The following GHITM variants were observed in gnomAD, a reference collection of about 807,000 sequenced individuals.
The protein encoded by GHITM is growth hormone-inducible transmembrane protein.
GHITM carries 24 observed loss-of-function variants against 38.7 expected under a neutral mutation model. The observed-to-expected ratio is 0.62, with a 90% CI of 0.45 to 0.87. The LOEUF (loss-of-function observed/expected upper bound fraction) is 0.87, where lower values mean the gene tolerates loss of function less well. GHITM is among the 40% of genes least tolerant of loss of function. GHITM has a pLI of 0.00. For missense variants in GHITM, 420 were observed against 429.8 expected (o/e 0.98, Z 0.20); for synonymous variants, 154 against 147.8 (o/e 1.04, Z -0.30).
Position 84,141,517 on chromosome 10 carries a change from T to C in GHITM, c.17T>C (p.Leu6Pro), listed in dbSNP as rs765271750. The change falls in exon 2 of 9, where the codon CTG (leucine) becomes CCG (proline). Residue 6 changes from leucine (L) to proline (P), a missense_variant. By Grantham distance (98) the Leu-to-Pro change is moderately conservative. Coordinates refer to ENST00000372134, the MANE Select transcript of GHITM (RefSeq NM_014394.3). The part of the protein sequence containing the change: MLAAR[L>P]VCLRTLPSRV... ...ACCACCACCATGTTGGCTGCAAGGC[T>C]GGTGTGTCTCCGGACACTACCTTCT... is the stretch of plus-strand genomic sequence containing the variant. 6.2e-7 allele frequency: 1 copy of C among 1,614,010 alleles called. No homozygotes were observed. Among genetic ancestry groups the C allele is most frequent in the South Asian group, 1.1e-5 (1 of 91,088 alleles).
At position 84,145,034 on chromosome 10, in the gene GHITM, G is replaced by T; in HGVS notation, c.483+18G>T. On this transcript the variant is annotated intron_variant, in intron 5 of 8. Coordinates refer to ENST00000372134, the MANE Select transcript of GHITM (RefSeq NM_014394.3). ...CTTGGGTGGTAAGTCAGCTGTTTTT[G>T]TTTTCCTTTTTCATCTAAAGATCAA... The T allele has an allele frequency of 1.9e-6, 3 of 1,571,158 alleles. No individual in the cohort carries two copies. The highest frequency in any genetic ancestry group is 1.2e-5 in the South Asian group (1 of 85,404).
intron 3 of GHITM, 71 bp downstream of exon 3, chr10:84,142,825 TA>T (rs1187610825): frequency 2.7e-6 from 2 of 731,032 alleles, no homozygotes; most frequent in South Asian, 3.5e-5. Flanking sequence ...AACAACTTCC[TA>T]AAAATATATG....
intron 2 of GHITM, among the ~76,000 whole-genome samples, chr10:84,142,378 T>A (rs971358898): frequency 1.3e-5 from 2 of 152,218 alleles, no homozygotes; most frequent in Non-Finnish European, 2.9e-5. Flanking sequence ...AATCTATAGT[T>A]TGTGAAAGAA....
In GHITM at chr10:84,148,843, GTTC is replaced by G. The variant is rs1841582994; in HGVS notation, c.592+7_592+9del. 12 of 1,562,884 alleles carry G rather than the reference GTTC, an allele frequency of 7.7e-6. No individual in the cohort carries two copies. The East Asian group carries it at 2.5e-4, about 32-fold the overall frequency. On this transcript the variant is annotated splice_donor_region_variant and intron_variant, in intron 6 of 8. Coordinates refer to ENST00000372134, the MANE Select transcript of GHITM (RefSeq NM_014394.3). ...TTGCTTGGTTGCTACATTCTGGTAT[GTTC>G]TGTTTTAAATTGTTACGAGACAACC...
intron 3 of GHITM, among the ~76,000 whole-genome samples, chr10:84,143,653 A>G (rs568998417): frequency 2.4e-4 from 36 of 152,202 alleles, no homozygotes; most frequent in Admixed American, 1.8e-3. Context: ...TTTACTTTCC[A>G]TGAATGTCAT....
rs949471750 is a variant in GHITM at position 84,152,459 on chromosome 10, A to G, written c.*111A>G. The G allele has an allele frequency of 3.1e-5, 17 of 544,394 alleles. No individual in the cohort carries two copies. Among genetic ancestry groups the G allele is most frequent in the Non-Finnish European group, 5.2e-5 (16 of 307,120 alleles). The allele number at this position is 544,394 out of a possible 1,614,324, so 33.7% of individuals were successfully genotyped here. Reference sequence around the variant, plus strand: ...TTCGTTGAAGTTTAGAAGATAAGAAACATGTCATCATATTTAAATGTTCCG... The same window carrying G: ...TTCGTTGAAGTTTAGAAGATAAGAAGCATGTCATCATATTTAAATGTTCCG... On this transcript the variant is annotated 3_prime_UTR_variant, in exon 9 of 9. Coordinates refer to ENST00000372134, the MANE Select transcript of GHITM (RefSeq NM_014394.3).
In GHITM at chr10:84,152,628, G is replaced by A. The variant is rs374071585; in HGVS notation, c.*280G>A. On this transcript the variant is annotated 3_prime_UTR_variant, in exon 9 of 9. Coordinates refer to ENST00000372134, the MANE Select transcript of GHITM (RefSeq NM_014394.3). ...ATGTGAAAACTAAAGTTTGTGTCATGAGAATGTAAGTCTTTTTTCTACTTT... is the reference window on the plus strand; with the variant it reads ...ATGTGAAAACTAAAGTTTGTGTCATAAGAATGTAAGTCTTTTTTCTACTTT... The A allele has an allele frequency of 1.3e-5, 4 of 298,108 alleles. No homozygotes were observed. Among genetic ancestry groups the A allele is most frequent in the Admixed American group, 5.0e-5 (1 of 19,890 alleles). The allele number at this position is 298,108 out of a possible 1,614,324, so 18.5% of individuals were successfully genotyped here.
chr10:84,150,831 G>A lies in GHITM; in HGVS notation c.904G>A (p.Ala302Thr). Residue 302 changes from alanine to threonine, a missense_variant, in exon 8 of 9, where the codon GCA becomes ACA. Physicochemically the swap from Ala to Thr is moderately conservative, Grantham distance 58 (BLOSUM62 0). Coordinates refer to ENST00000372134, the MANE Select transcript of GHITM (RefSeq NM_014394.3). ...LYDTQKVIKR[A>T]EVSPMYGVQK... ...TGATACCCAGAAAGTAATCAAGCGT[G>A]CAGAAGTATCACCAATGTATGGAGT... 2 of 1,611,816 alleles carry A rather than the reference G, an allele frequency of 1.2e-6. No homozygotes were observed. Among genetic ancestry groups the A allele is most frequent in the Non-Finnish European group, 1.7e-6 (2 of 1,178,228 alleles).
chr10:84,142,140 A>G (rs1841512940), intron 2 of GHITM, among the ~76,000 whole-genome samples: 1 of 152,200 alleles, frequency 6.6e-6, no homozygotes, highest in South Asian at 2.1e-4. Context: ...GCTAGGAGAC[A>G]TTTTCTCTTT....
chr10:84,153,082 A>G lies in GHITM; in HGVS notation c.*734A>G, dbSNP rs766747082. On this transcript the variant is annotated 3_prime_UTR_variant, in exon 9 of 9. Coordinates refer to ENST00000372134, the MANE Select transcript of GHITM (RefSeq NM_014394.3). ...TATGTGTGTTTTACTTTTGAATGTT[A>G]CAAAAGGAAATAACTTTAAAACTAT... 1.3e-5 allele frequency: 2 copies of G among 152,248 alleles called. No homozygotes were observed. Among genetic ancestry groups the G allele is most frequent in the Non-Finnish European group, 2.9e-5 (2 of 68,038 alleles). The allele number at this position is 152,248 out of a possible 1,614,324, so 9.4% of individuals were successfully genotyped here. A position where few individuals can be genotyped will look rare whatever the true frequency, so the allele number is the denominator to read the frequency against.
In GHITM at chr10:84,152,373, G is replaced by A; in HGVS notation, c.*25G>A. The A allele has an allele frequency of 7.5e-7, 1 of 1,332,850 alleles. No homozygotes were observed. The highest frequency in any genetic ancestry group is 1.2e-5 in the South Asian group (1 of 83,890). 82.6% of individuals were successfully genotyped at this position (1,332,850 alleles called of 1,614,324 possible). On this transcript the variant is annotated 3_prime_UTR_variant, in exon 9 of 9. Coordinates refer to ENST00000372134, the MANE Select transcript of GHITM (RefSeq NM_014394.3). ...AAGTGACTCAGCTTCTGGCTTCTCT[G>A]CTACATCAAATATCTTGTTTAATGG...
At chr10:84,146,519 G>T (rs1841558102) in intron 5 of GHITM, among the ~76,000 whole-genome samples, 1 of 152,156 alleles carries the variant, frequency 6.6e-6, no homozygotes. Context: ...ACCATTTACA[G>T]TAGCAGCCAT....
intron 2 of GHITM, among the ~76,000 whole-genome samples, chr10:84,142,080 A>G (rs924812397): frequency 6.6e-6 from 1 of 152,224 alleles, no homozygotes; most frequent in Non-Finnish European, 1.5e-5. Flanking sequence ...ATCTTCTGGC[A>G]TTCAGATTAT....
At chr10:84,144,437 C>A (rs1841538017) in intron 4 of GHITM, among the ~76,000 whole-genome samples, 1 of 152,160 alleles carries the variant, frequency 6.6e-6, no homozygotes, top group Non-Finnish European at 1.5e-5. Flanking sequence ...CTCACTGCAA[C>A]CTCCGCCTCC....
Position 84,145,068 on chromosome 10 carries a change from A to G in GHITM, c.483+52A>G, listed in dbSNP as rs1194293761. 2.8e-6 allele frequency: 4 copies of G among 1,428,740 alleles called. No individual in the cohort carries two copies. In the African/African-American group the frequency reaches 5.7e-5, roughly 20 times the overall value. 88.5% of individuals were successfully genotyped at this position (1,428,740 alleles called of 1,614,324 possible). A position where few individuals can be genotyped will look rare whatever the true frequency, so the allele number is the denominator to read the frequency against. On this transcript the variant is annotated intron_variant, in intron 5 of 8. Transcript: ENST00000372134. Reference sequence around the variant, plus strand: ...TTTCATCTAAAGATCAAAAGATTAGATAAAATATATTGGAGGGAAGGGTTA... The same window carrying G: ...TTTCATCTAAAGATCAAAAGATTAGGTAAAATATATTGGAGGGAAGGGTTA...
At position 84,142,470 on chromosome 10, in the gene GHITM, T is replaced by C. The variant is rs1039293182; in HGVS notation, c.130-185T>C. On this transcript the variant is annotated intron_variant, in intron 2 of 8. Transcript: ENST00000372134. ...GTGGAGCACAGGGAAGGTCTACATTTATTTATTTATTTTTACATTTAGTTT... is the reference window on the plus strand; with the variant it reads ...GTGGAGCACAGGGAAGGTCTACATTCATTTATTTATTTTTACATTTAGTTT... Among the ~76,000 whole-genome samples the C allele has an allele frequency of 3.3e-5, 5 of 152,238 alleles. No individual in the cohort carries two copies. In the East Asian group the frequency reaches 9.6e-4, roughly 29 times the overall value.
At chr10:84,142,460 G>C (rs1564641549) in intron 2 of GHITM, among the ~76,000 whole-genome samples, 195 bp from the exon 3 acceptor site, 1 of 152,118 alleles carries the variant, frequency 6.6e-6, no homozygotes. Flanking sequence ...GCACAGGGAA[G>C]GTCTACATTT....
intron 8 of GHITM, among the ~76,000 whole-genome samples, chr10:84,151,805 AACTT>A (rs1341249595): frequency 6.6e-6 from 1 of 152,158 alleles, no homozygotes; most frequent in East Asian, 1.9e-4. Flanking sequence ...CTAAAAATAA[AACTT>A]AATGTAATGG....
rs1349959770 is a variant in GHITM at position 84,153,179 on chromosome 10, CTAAG to C, written c.*833_*836del. 6.6e-6 allele frequency: 1 copy of C among 152,126 alleles called. No individual in the cohort carries two copies. The highest frequency in any genetic ancestry group is 1.5e-5 in the Non-Finnish European group (1 of 68,010). The allele number at this position is 152,126 out of a possible 1,614,324, so 9.4% of individuals were successfully genotyped here. ...AATACAAACAGTATACTCATGATTG[CTAAG>C]TGTTTTTTTATTTTTGCATATTTAT... is the stretch of plus-strand genomic sequence containing the variant. On this transcript the variant is annotated 3_prime_UTR_variant, in exon 9 of 9. Coordinates refer to ENST00000372134, the MANE Select transcript of GHITM (RefSeq NM_014394.3).
Sources: gnomAD v4.1 joint callset for allele counts (sites outside exome capture counted in the v4.1 genomes callset) on GRCh38, gnomAD v4.1.1 for gene constraint, MANE v1.5 for transcripts, NCBI Gene and HGNC (gene_info 2026-07-23, HGNC 2026-07-21) for gene names.